DNAH11: variants seen among roughly 807,000 people sequenced by gnomAD.
DNAH11 encodes the protein dynein axonemal heavy chain 11.
DNAH11 carries 442 observed loss-of-function variants against 526.0 expected under a neutral mutation model. The observed-to-expected ratio is 0.84, with a 90% CI of 0.78 to 0.91. The LOEUF is 0.91. Among genes scored for constraint, DNAH11 ranks in the 40% least tolerant of loss-of-function variants. The pLI is 0.00. For synonymous variants in DNAH11, 2,461 were observed against 1,935.9 expected (o/e 1.27, Z -7.12); for missense variants, 6,989 against 5,448.7 (o/e 1.28, Z -8.90).
intron 46 of DNAH11, among the ~76,000 whole-genome samples, chr7:21,737,950 G>A (rs561880845): frequency 2.0e-5 from 3 of 152,130 alleles, no homozygotes; most frequent in African/African-American, 7.2e-5. Flanking sequence ...ATGATTCTTT[G>A]TTCATTCATT....
intron 73 of DNAH11, among the ~76,000 whole-genome samples, chr7:21,870,093 G>A (rs1486387744): frequency 2.0e-5 from 3 of 152,202 alleles, no homozygotes; most frequent in Non-Finnish European, 4.4e-5. Flanking sequence ...TAGGAGTCGT[G>A]ATTCTCTATA....
intron 68 of DNAH11, among the ~76,000 whole-genome samples, chr7:21,859,686 A>G (rs1275543284): frequency 6.6e-6 from 1 of 152,130 alleles, no homozygotes; most frequent in Non-Finnish European, 1.5e-5. Flanking sequence ...AAAAATAAAT[A>G]GATATTTTTA....
At chr7:21,825,578 A>G (rs1315790601) in intron 65 of DNAH11, among the ~76,000 whole-genome samples, 1 of 150,654 alleles carries the variant, frequency 6.6e-6, no homozygotes, top group East Asian at 1.9e-4. Context: ...ATTTAATACT[A>G]TTAGCCACCT....
intron 68 of DNAH11, among the ~76,000 whole-genome samples, chr7:21,858,028 A>T (rs906202567): frequency 7.9e-5 from 12 of 152,214 alleles, no homozygotes; most frequent in African/African-American, 2.9e-4. Context: ...CATATATATA[A>T]AACAAAGAAT....
At chr7:21,693,663 T>A (rs1397074817) in intron 35 of DNAH11, among the ~76,000 whole-genome samples, 3 of 152,234 alleles carry the variant, frequency 2.0e-5, no homozygotes, top group African/African-American at 7.2e-5. Flanking sequence ...TTCTGATTTT[T>A]AATTTTTTTA....
chr7:21,795,280 G>T (rs1228540153), intron 61 of DNAH11, among the ~76,000 whole-genome samples: 1 of 152,198 alleles, frequency 6.6e-6, no homozygotes, highest in Non-Finnish European at 1.5e-5. Context: ...CTAGTACCTA[G>T]TGGGTACTGA....
At chr7:21,628,290 C>A (rs192635409) in intron 25 of DNAH11, among the ~76,000 whole-genome samples, 2 of 152,068 alleles carry the variant, frequency 1.3e-5, no homozygotes, top group Non-Finnish European at 2.9e-5. Flanking sequence ...ATTTCTTTCT[C>A]TTGCCTAATT....
intron 55 of DNAH11, among the ~76,000 whole-genome samples, chr7:21,768,513 G>A (rs1787281947): frequency 6.6e-6 from 1 of 152,170 alleles, no homozygotes; most frequent in Non-Finnish European, 1.5e-5. Flanking sequence ...GTAGATCTGA[G>A]CAAGGTGAAA....
chr7:21,768,025 C>T (rs35330554), intron 55 of DNAH11, among the ~76,000 whole-genome samples: 11,925 of 152,160 alleles, frequency 0.078, 678 homozygotes, highest in Non-Finnish European at 0.12. Flanking sequence ...CCCAGGGGTA[C>T]GGGTTGACTG....
At position 21,589,384 on chromosome 7, in the gene DNAH11, G is replaced by C; in HGVS notation, c.2150G>C (p.Cys717Ser). The C allele has an allele frequency of 6.2e-7, 1 of 1,601,888 alleles. No individual in the cohort carries two copies. The highest frequency in any genetic ancestry group is 2.3e-5 in the East Asian group (1 of 44,086). ...TTCAGTGCCATAAATGGTCTTCTCT[G>C]TGTCAATTTTGACCCAAAGGTAGGG... ...VKFSAINGLL[C>S]VNFDPKLVAV... Residue 717 changes from cysteine to serine, a missense_variant, in exon 12 of 82, where the codon TGT (cysteine) becomes TCT (serine). Coordinates refer to ENST00000409508, the MANE Select transcript of DNAH11 (RefSeq NM_001277115.2).
At chr7:21,830,836 T>G (rs1790520250) in intron 65 of DNAH11, among the ~76,000 whole-genome samples, 1 of 152,206 alleles carries the variant, frequency 6.6e-6, no homozygotes, top group Admixed American at 6.5e-5. Flanking sequence ...ATTTATGTAC[T>G]CATAATAGGT....
At chr7:21,855,407 C>T (rs898889167) in intron 68 of DNAH11, among the ~76,000 whole-genome samples, 4 of 152,148 alleles carry the variant, frequency 2.6e-5, no homozygotes, top group Non-Finnish European at 4.4e-5. Context: ...AGAGAATGCT[C>T]ATATTTCTTT....
chr7:21,814,146 G>T (rs1789661588), intron 63 of DNAH11, among the ~76,000 whole-genome samples: 1 of 152,006 alleles, frequency 6.6e-6, no homozygotes, highest in African/African-American at 2.4e-5. Context: ...ATATAGAAAA[G>T]ATATACAAAA....
At chr7:21,748,414 G>T (rs1014762877) in intron 51 of DNAH11, among the ~76,000 whole-genome samples, 166 bp from the exon 52 acceptor site, 1 of 152,144 alleles carries the variant, frequency 6.6e-6, no homozygotes, top group Non-Finnish European at 1.5e-5. Context: ...ATCTGAATCC[G>T]GGAGGCGGAG....
At chr7:21,859,039 G>T (rs2128028810) in intron 68 of DNAH11, among the ~76,000 whole-genome samples, 1 of 152,196 alleles carries the variant, frequency 6.6e-6, no homozygotes, top group South Asian at 2.1e-4. Flanking sequence ...GCACAAAATT[G>T]TTTAAAATAT....
chr7:21,617,219 C>A (rs1785821456), intron 22 of DNAH11, among the ~76,000 whole-genome samples: 1 of 152,206 alleles, frequency 6.6e-6, no homozygotes, highest in South Asian at 2.1e-4. Context: ...AGGTAATCAA[C>A]ATTCCAAGGC....
At chr7:21,612,885 CAAATT>C (rs1483809989) in intron 20 of DNAH11, among the ~76,000 whole-genome samples, 5 of 152,076 alleles carry the variant, frequency 3.3e-5, no homozygotes, top group African/African-American at 1.2e-4. Context: ...ATTGCATTAA[CAAATT>C]AGGGAGAAAA....
intron 52 of DNAH11, 83 bp downstream of exon 52, chr7:21,748,825 T>G: frequency 7.0e-7 from 1 of 1,425,190 alleles, no homozygotes; most frequent in Non-Finnish European, 9.3e-7. Flanking sequence ...GTGTGGGCTG[T>G]GACTCCCAGA....
chr7:21,865,348 G>A lies in DNAH11; in HGVS notation c.11496+691G>A, dbSNP rs1429523299. On this transcript the variant is annotated intron_variant, in intron 70 of 81. Coordinates refer to ENST00000409508, the MANE Select transcript of DNAH11 (RefSeq NM_001277115.2). ...CTTTTTAAAGTAGTATTTGTAATTAGATTGTAACTTTAGAATTCAAAATTC... is the reference window on the plus strand; with the variant it reads ...CTTTTTAAAGTAGTATTTGTAATTAAATTGTAACTTTAGAATTCAAAATTC... 3.3e-5 allele frequency among the ~76,000 whole-genome samples: 5 copies of A among 152,122 alleles called. 1 individual carries two copies. The highest frequency in any genetic ancestry group is 3.3e-4 in the Admixed American group (5 of 15,266).
Sources: allele counts gnomAD v4.1 joint callset (sites outside exome capture counted in the v4.1 genomes callset), GRCh38; gene constraint gnomAD v4.1.1; transcripts MANE v1.5; gene names NCBI Gene and HGNC (gene_info 2026-07-23, HGNC 2026-07-21).